Variants in LINGO2 observed in about 807,000 individuals in gnomAD.
The protein encoded by LINGO2 is leucine-rich repeat and immunoglobulin-like domain-containing nogo receptor-interacting protein 2.
A neutral mutation model predicts 30.6 loss-of-function variants in LINGO2; 14 were observed. The ratio of observed to expected loss-of-function variants is 0.46; its 90% CI spans 0.30 to 0.72. The LOEUF (loss-of-function observed/expected upper bound fraction) is 0.72. Among genes scored for constraint, LINGO2 ranks in the 30% least tolerant of loss-of-function variants. The pLI is 0.07. For missense variants in LINGO2, 729 were observed against 751.7 expected, an observed-to-expected ratio of 0.97 and a Z score of 0.35; for synonymous variants, 317 against 288.5, an observed-to-expected ratio of 1.10 and a Z score of -1.00.
intron 5 of LINGO2, among the ~76,000 whole-genome samples, chr9:28,007,756 A>C (rs547857277): frequency 6.6e-6 from 1 of 152,284 alleles, no homozygotes; most frequent in Admixed American, 6.5e-5. Context: ...CAATCATCTG[A>C]CGGTTGGATG....
At chr9:28,553,836 C>A (rs938944982) in intron 1 of LINGO2, among the ~76,000 whole-genome samples, 1 of 152,008 alleles carries the variant, frequency 6.6e-6, no homozygotes, top group Non-Finnish European at 1.5e-5. Context: ...AGACTGGGGG[C>A]CGATATTCAA....
chr9:28,956,574 CCAT>C, the LINGO2 span, among the ~76,000 whole-genome samples: 2 of 36,130 alleles, frequency 5.5e-5, no homozygotes, highest in Admixed American at 3.4e-4. Context: ...CTTCCTTCCT[CCAT>C]CCCTCCCTCC....
At chr9:28,752,074 C>T in the LINGO2 span, among the ~76,000 whole-genome samples, 2 of 151,722 alleles carry the variant, frequency 1.3e-5, no homozygotes, top group Non-Finnish European at 1.5e-5. Flanking sequence ...GTAAAGTGGC[C>T]AGATATACTT....
intron 3 of LINGO2, among the ~76,000 whole-genome samples, chr9:28,304,529 C>T (rs1370296981): frequency 1.3e-5 from 2 of 151,986 alleles, no homozygotes; most frequent in Non-Finnish European, 2.9e-5. Flanking sequence ...CCCCAGAAAG[C>T]TTCCTCATAT....
the LINGO2 span, among the ~76,000 whole-genome samples, chr9:29,062,996 T>C: frequency 6.6e-6 from 1 of 152,238 alleles, no homozygotes; most frequent in African/African-American, 2.4e-5. Flanking sequence ...CTACTGGACA[T>C]CCTATATATC....
chr9:28,058,535 T>G (rs938201937), intron 4 of LINGO2, among the ~76,000 whole-genome samples: 2 of 152,192 alleles, frequency 1.3e-5, no homozygotes, highest in African/African-American at 4.8e-5. Flanking sequence ...ATAAATGTTA[T>G]GAAGTAGATA....
chr9:27,993,380 A>G (rs948821641), intron 5 of LINGO2, among the ~76,000 whole-genome samples: 1 of 152,086 alleles, frequency 6.6e-6, no homozygotes, highest in Non-Finnish European at 1.5e-5. Flanking sequence ...CTATCTATCA[A>G]TAAAAGCCCA....
At chr9:29,072,858 T>C in the LINGO2 span, among the ~76,000 whole-genome samples, 7 of 152,096 alleles carry the variant, frequency 4.6e-5, no homozygotes, top group African/African-American at 1.7e-4. Flanking sequence ...CTTTTGGTTT[T>C]AATTCATTGA....
At chr9:28,755,803 G>A in the LINGO2 span, among the ~76,000 whole-genome samples, 4 of 151,994 alleles carry the variant, frequency 2.6e-5, no homozygotes, top group East Asian at 3.9e-4. Context: ...TGCAGTAAAG[G>A]TCTATTGCTC....
the LINGO2 span, among the ~76,000 whole-genome samples, chr9:28,976,123 T>C: frequency 6.6e-6 from 1 of 152,166 alleles, no homozygotes; most frequent in Non-Finnish European, 1.5e-5. Flanking sequence ...CAAACGCTTT[T>C]ATCAGAGGAT....
At chr9:28,491,940 A>G (rs1421436397) in intron 1 of LINGO2, among the ~76,000 whole-genome samples, 1 of 152,202 alleles carries the variant, frequency 6.6e-6, no homozygotes, top group African/African-American at 2.4e-5. Context: ...ACTGTGGGAA[A>G]AAGGGTGTAT....
the LINGO2 span, among the ~76,000 whole-genome samples, chr9:29,050,831 T>C: frequency 1.3e-5 from 2 of 152,116 alleles, no homozygotes; most frequent in East Asian, 3.9e-4. Context: ...TCTTTAAGCC[T>C]CAATTTAGAG....
chr9:28,146,919 A>G (rs918516036), intron 4 of LINGO2, among the ~76,000 whole-genome samples: 2 of 152,222 alleles, frequency 1.3e-5, no homozygotes, highest in African/African-American at 4.8e-5. Flanking sequence ...CCACTGGCAA[A>G]TTTCTTTTAG....
At chr9:28,404,762 T>A (rs952398977) in intron 2 of LINGO2, among the ~76,000 whole-genome samples, 1 of 152,182 alleles carries the variant, frequency 6.6e-6, no homozygotes, top group African/African-American at 2.4e-5. Context: ...TGTGTAATCA[T>A]TTTTTGCCAC....
the LINGO2 span, among the ~76,000 whole-genome samples, chr9:28,885,851 G>A: frequency 6.6e-6 from 1 of 152,060 alleles, no homozygotes; most frequent in Non-Finnish European, 1.5e-5. Context: ...TTTTTAGTCA[G>A]TACAAACAGC....
At chr9:28,097,167 G>A (rs908324380) in intron 4 of LINGO2, among the ~76,000 whole-genome samples, 1 of 152,092 alleles carries the variant, frequency 6.6e-6, no homozygotes, top group South Asian at 2.1e-4. Context: ...ATGGCAATCA[G>A]TAAAAAGTCA....
At chr9:29,137,285 T>A in the LINGO2 span, among the ~76,000 whole-genome samples, 3 of 152,186 alleles carry the variant, frequency 2.0e-5, no homozygotes, top group Non-Finnish European at 2.9e-5. Context: ...GCAGGATAGG[T>A]TAACTAAGCT....
chr9:28,263,076 G>A (rs972164424), intron 4 of LINGO2, among the ~76,000 whole-genome samples: 2 of 151,874 alleles, frequency 1.3e-5, no homozygotes, highest in Non-Finnish European at 2.9e-5. Flanking sequence ...ACAACCCCCT[G>A]TTATCTTGCA....
chr9:29,028,446 G>GAC, the LINGO2 span, among the ~76,000 whole-genome samples: 4 of 149,870 alleles, frequency 2.7e-5, no homozygotes, highest in South Asian at 2.1e-4. Flanking sequence ...GAGAGAGAGA[G>GAC]ACACAGAGAG....
Sources: gnomAD v4.1 joint callset for allele counts (sites outside exome capture counted in the v4.1 genomes callset) on GRCh38, gnomAD v4.1.1 for gene constraint, MANE v1.5 for transcripts, NCBI Gene and HGNC (gene_info 2026-07-23, HGNC 2026-07-21) for gene names.